The following PPP1R42 variants were observed in gnomAD, a reference collection of about 807,000 sequenced individuals.
PPP1R42 encodes the protein protein phosphatase 1 regulatory subunit 42, also known as leucine rich repeat containing 67.
Under a neutral mutation model 31.0 loss-of-function variants are expected in PPP1R42, and 34 were observed. That is an observed-to-expected ratio of 1.10 (90% CI 0.83 to 1.46). PPP1R42 has a LOEUF of 1.46. Ranked by LOEUF, PPP1R42 falls within the 40% of genes most tolerant of loss-of-function variation. The pLI, the probability that PPP1R42 is intolerant of heterozygous loss-of-function variation, is 0.00. For missense variants in PPP1R42, 268 were observed against 303.0 expected (o/e 0.88, Z 0.86); for synonymous variants, 103 against 109.8 (o/e 0.94, Z 0.39).
At chr8:66,975,944 G>T (rs534059159) in intron 7 of PPP1R42, among the ~76,000 whole-genome samples, 14 of 152,096 alleles carry the variant, frequency 9.2e-5, no homozygotes, top group Non-Finnish European at 1.6e-4. Context: ...TATAGTGCAG[G>T]GGTCCCCAAC....
chr8:66,984,014 C>T (rs564507269), intron 6 of PPP1R42: 2 of 1,034,012 alleles, frequency 1.9e-6, no homozygotes, highest in East Asian at 2.5e-5. Context: ...TCCCTTTGTC[C>T]CAATGTCTGC....
At chr8:67,026,382 T>A (rs141380647) in intron 1 of PPP1R42, among the ~76,000 whole-genome samples, 3 of 152,150 alleles carry the variant, frequency 2.0e-5, no homozygotes, top group African/African-American at 7.2e-5. Flanking sequence ...TAAAGGAGCT[T>A]GGGCTAGGGC....
intron 3 of PPP1R42, among the ~76,000 whole-genome samples, chr8:67,013,625 T>A (rs1315661969): frequency 1.3e-5 from 2 of 152,042 alleles, no homozygotes; most frequent in African/African-American, 4.8e-5. Context: ...GAAGCTGAAG[T>A]GGGAAGATCA....
At chr8:66,984,116 A>G (rs1404508550) in intron 6 of PPP1R42, 2 of 1,582,538 alleles carry the variant, frequency 1.3e-6, no homozygotes, top group Admixed American at 3.4e-5. Context: ...GGGGAGAGGC[A>G]AGGGCTTGCA....
chr8:66,994,151 G>C (rs1324273870), intron 5 of PPP1R42, among the ~76,000 whole-genome samples: 1 of 152,080 alleles, frequency 6.6e-6, no homozygotes, highest in Non-Finnish European at 1.5e-5. Context: ...TGGCAGTTGT[G>C]GGTCTAAAGA....
At chr8:66,992,113 G>C (rs1815206086) in intron 5 of PPP1R42, among the ~76,000 whole-genome samples, 1 of 152,058 alleles carries the variant, frequency 6.6e-6, no homozygotes, top group African/African-American at 2.4e-5. Flanking sequence ...CAATTCTTTG[G>C]AATATCGTAC....
At position 67,010,633 on chromosome 8, in the gene PPP1R42, A is replaced by C. The variant is rs76063379; in HGVS notation, c.552+82T>G. ...TCCAGAGTAGTTTTTAATGTGATAT[A>C]TTTATTTTATAGCTATTACAAAACA... On this transcript the variant is annotated intron_variant, in intron 5 of 7. Coordinates refer to ENST00000685739, the MANE Select transcript of PPP1R42 (RefSeq NM_001364910.1). The C allele has an allele frequency of 9.7e-6, 9 of 932,428 alleles. No individual in the cohort carries two copies. In the African/African-American group the frequency reaches 1.5e-4, roughly 16 times the overall value. 57.8% of individuals were successfully genotyped at this position (932,428 alleles called of 1,614,324 possible).
intron 5 of PPP1R42, among the ~76,000 whole-genome samples, chr8:66,989,626 G>T (rs1815132094): frequency 6.6e-6 from 1 of 152,130 alleles, no homozygotes; most frequent in African/African-American, 2.4e-5. Flanking sequence ...TTGCTGCAAA[G>T]AACATGGGAG....
intron 7 of PPP1R42, among the ~76,000 whole-genome samples, chr8:66,980,700 A>G (rs1395906447): frequency 6.6e-6 from 1 of 151,572 alleles, no homozygotes; most frequent in East Asian, 1.9e-4. Context: ...CCCTTTTCCT[A>G]TTTCCCTGGC....
At chr8:67,002,767 G>T (rs1585666391) in intron 5 of PPP1R42, among the ~76,000 whole-genome samples, 3 of 112,376 alleles carry the variant, frequency 2.7e-5, no homozygotes, top group South Asian at 3.3e-4. Context: ...GCTTTACTTT[G>T]GATAGTTCTA....
rs1310997544 is a variant in PPP1R42, at chr8:66,982,139, A to G, written c.712T>C (p.Phe238Leu). 2.7e-6 allele frequency: 4 copies of G among 1,471,756 alleles called. No individual in the cohort carries two copies. Among genetic ancestry groups the G allele is most frequent in the Non-Finnish European group, 3.6e-6 (4 of 1,124,674 alleles). The allele number at this position is 1,471,756 out of a possible 1,614,324, so 91.2% of individuals were successfully genotyped here. A position where few individuals can be genotyped will look rare whatever the true frequency, so the allele number is the denominator to read the frequency against. The change falls in exon 7 of 8, where the codon TTC (phenylalanine) becomes CTC (leucine). Residue 238 changes from phenylalanine (F) to leucine (L), a missense_variant. By Grantham distance (22) the Phe-to-Leu change is conservative. Transcript: ENST00000685739. ...TTGGATGCTTTCCAATTCATTAGGA[A>G]TTGTCTTTCTATATTTTTAATTTCT... ...GKEIKNIERQ[F>L]LMNWKASKDA...
chr8:67,016,781 T>C (rs1423690805), intron 2 of PPP1R42, among the ~76,000 whole-genome samples: 1 of 152,160 alleles, frequency 6.6e-6, no homozygotes, highest in Non-Finnish European at 1.5e-5. Context: ...AGTGGTGAGT[T>C]CTGAGATTTT....
At chr8:67,027,276 T>C (rs1816435729) in intron 1 of PPP1R42, among the ~76,000 whole-genome samples, 1 of 152,208 alleles carries the variant, frequency 6.6e-6, no homozygotes, top group South Asian at 2.1e-4. Flanking sequence ...TTCTTAATAC[T>C]TTCACTTTAG....
intron 5 of PPP1R42, among the ~76,000 whole-genome samples, chr8:67,004,203 G>A (rs1486765109): frequency 6.6e-6 from 1 of 152,144 alleles, no homozygotes; most frequent in Non-Finnish European, 1.5e-5. Flanking sequence ...TCATCCCTCT[G>A]CTGTATGAGG....
chr8:66,986,419 C>T (rs150372728), intron 6 of PPP1R42, among the ~76,000 whole-genome samples: 2 of 152,134 alleles, frequency 1.3e-5, no homozygotes, highest in African/African-American at 2.4e-5. Context: ...AGCCCCGAGA[C>T]GGAGGCCGAA....
intron 7 of PPP1R42, among the ~76,000 whole-genome samples, chr8:66,968,874 A>G (rs914580386): frequency 7.9e-5 from 12 of 152,208 alleles, no homozygotes; most frequent in African/African-American, 2.7e-4. Flanking sequence ...TTAAAAATTT[A>G]TGTAATGCTT....
intron 7 of PPP1R42, chr8:66,971,088 A>T: frequency 6.5e-7 from 1 of 1,534,396 alleles, no homozygotes. Flanking sequence ...ATTTTGGCTT[A>T]CCCACCTGTG....
chr8:66,994,883 C>T, intron 5 of PPP1R42, among the ~76,000 whole-genome samples: 1 of 152,150 alleles, frequency 6.6e-6, no homozygotes, highest in East Asian at 1.9e-4. Context: ...AAGAACTACA[C>T]TAGTTATTTC....
chr8:66,985,085 C>A (rs113201547), intron 6 of PPP1R42: 21,837 of 1,306,638 alleles, frequency 0.017, 655 homozygotes, highest in African/African-American at 0.079. Context: ...ATATCTCCTT[C>A]CTTTAGCTCC....
Sources: allele counts gnomAD v4.1 joint callset (sites outside exome capture counted in the v4.1 genomes callset), GRCh38; gene constraint gnomAD v4.1.1; transcripts MANE v1.5; gene names NCBI Gene and HGNC (gene_info 2026-07-23, HGNC 2026-07-21).